The following SLC25A14 variants were observed in gnomAD, a reference collection of about 807,000 sequenced individuals.
SLC25A14 encodes brain mitochondrial carrier protein 1.
SLC25A14 carries 8 observed loss-of-function variants against 28.1 expected under a neutral mutation model. The ratio of observed to expected loss-of-function variants is 0.28; its 90% CI spans 0.17 to 0.51. The LOEUF (loss-of-function observed/expected upper bound fraction) is 0.51, where lower values mean the gene tolerates loss of function less well. Ranked by LOEUF, SLC25A14 falls within the 20% of genes least tolerant of loss-of-function variation. The pLI, the probability that SLC25A14 is intolerant of heterozygous loss-of-function variation, is 0.97. For synonymous variants in SLC25A14, 74 were observed against 90.6 expected (o/e 0.82, Z 1.04); for missense variants, 135 against 263.8 (o/e 0.51, Z 3.38).
rs189236732 is a variant in SLC25A14 at position 130,365,152 on chromosome X, C to G, written c.720-389C>G. The G allele has an allele frequency of 8.6e-6, 7 of 809,890 alleles. No individual in the cohort carries two copies. In the African/African-American group the frequency reaches 8.9e-5, roughly 10 times the overall value. The allele number at this position is 809,890 out of a possible 1,213,427, so 66.7% of individuals were successfully genotyped here. On this transcript the variant is annotated intron_variant, in intron 8 of 10. Coordinates refer to ENST00000545805, the MANE Select transcript of SLC25A14 (RefSeq NM_001282195.2). ...TAAAGCACAGTTTTTTGGCTAAAGA[C>G]TGTTACTGATCTCATTTTACATTTT...
rs150106204 is a variant in SLC25A14 at position 130,340,332 on chromosome X, G to A, written c.54G>A (p.Thr18=). The part of the protein sequence containing the change: ...ILIFLRVKFA[T]AAVIVSGHQK... ...TTTTTCTAAGGGTGAAGTTTGCAAC[G>A]GCGGCCGTGATTGTAAGCGGAGTAA... Residue 18 remains threonine, a synonymous_variant, in exon 2 of 11, where the codon ACG becomes ACA. Transcript: ENST00000545805. The A allele has an allele frequency of 2.0e-4, 238 of 1,209,646 alleles. No homozygotes were observed. Among genetic ancestry groups the A allele is most frequent in the Middle Eastern group, 1.1e-3 (5 of 4,351 alleles).
At chrX:130,344,257 A>G (rs181118657) in intron 2 of SLC25A14, among the ~76,000 whole-genome samples, 3 of 112,093 alleles carry the variant, frequency 2.7e-5, no homozygotes, top group Non-Finnish European at 5.6e-5. Context: ...GAGAGGCCCA[A>G]CAATCTATGT....
At chrX:130,370,075 A>G (rs1396871952) in intron 9 of SLC25A14, among the ~76,000 whole-genome samples, 3 of 111,746 alleles carry the variant, frequency 2.7e-5, no homozygotes, top group Non-Finnish European at 5.6e-5. Flanking sequence ...GGTTATTCAC[A>G]TCTGGGCTTT....
rs201856254 is a variant in SLC25A14, at chrX:130,365,103, AG to A, written c.719+355del. On this transcript the variant is annotated intron_variant, in intron 8 of 10. Coordinates refer to ENST00000545805, the MANE Select transcript of SLC25A14 (RefSeq NM_001282195.2). ...TTTTCTCAGTGGGAATCAGAAAAAA[AG>A]GGGTAAATAAGGTCTGTGAAACTAA... 3.7e-4 allele frequency: 297 copies of A among 801,405 alleles called. 3 individuals carry two copies. The East Asian group carries it at 0.025, about 68-fold the overall frequency. The allele number at this position is 801,405 out of a possible 1,213,427, so 66.0% of individuals were successfully genotyped here. A position where few individuals can be genotyped will look rare whatever the true frequency, so the allele number is the denominator to read the frequency against.
At chrX:130,370,052 A>G (rs1369774348) in intron 9 of SLC25A14, among the ~76,000 whole-genome samples, 5 of 112,012 alleles carry the variant, frequency 4.5e-5, no homozygotes, top group Non-Finnish European at 7.5e-5. Context: ...GTCATTTAAC[A>G]GTCTAGGTTC....
rs896297975 is a variant in SLC25A14, at chrX:130,373,235, C to G, written c.*285C>G. 9.7e-5 allele frequency: 28 copies of G among 289,193 alleles called. No homozygotes were observed. Among genetic ancestry groups the G allele is most frequent in the Non-Finnish European group, 1.5e-4 (25 of 169,534 alleles). The allele number at this position is 289,193 out of a possible 1,213,427, so 23.8% of individuals were successfully genotyped here. On this transcript the variant is annotated 3_prime_UTR_variant, in exon 11 of 11. Coordinates refer to ENST00000545805, the MANE Select transcript of SLC25A14 (RefSeq NM_001282195.2). ...GTGACATTGAAAACGGCCTGCTTTC[C>G]AAATGTGGTTAAATGTAATTGGTTA... is the stretch of plus-strand genomic sequence containing the variant.
rs1285852873 is a variant in SLC25A14, at chrX:130,358,686, G to A, written c.545G>A (p.Gly182Glu). ...AGCTTGTTCCAAGGGAGCATGATTG[G>A]AAGCTTTATCGATATATACCAACAA... ...QGSLFQGSMIGSFIDIYQQEG... is the reference protein window; with the variant it reads ...QGSLFQGSMIESFIDIYQQEG... The change falls in exon 7 of 11, where the codon GGA becomes GAA. Residue 182 changes from glycine to glutamate, a missense_variant. Coordinates refer to ENST00000545805, the MANE Select transcript of SLC25A14 (RefSeq NM_001282195.2). The A allele has an allele frequency of 3.3e-6, 4 of 1,207,908 alleles. No individual in the cohort carries two copies. Among genetic ancestry groups the A allele is most frequent in the Non-Finnish European group, 4.5e-6 (4 of 892,309 alleles).
intron 7 of SLC25A14, chrX:130,359,022 A>G: frequency 9.7e-7 from 1 of 1,027,445 alleles, no homozygotes; most frequent in Non-Finnish European, 1.3e-6. Context: ...GTTCTGTACT[A>G]ACACGATGAT....
intron 2 of SLC25A14, among the ~76,000 whole-genome samples, chrX:130,343,376 A>G (rs2033326261): frequency 8.9e-6 from 1 of 111,977 alleles, no homozygotes; most frequent in Admixed American, 9.5e-5. Flanking sequence ...GGTAGTATTT[A>G]GTCTTCAAGA....
At position 130,350,693 on chromosome X, in the gene SLC25A14, A is replaced by G; in HGVS notation, c.460A>G (p.Ile154Val). The change falls in exon 6 of 11, where the codon ATA (isoleucine) becomes GTA (valine). Residue 154 changes from isoleucine to valine, a missense_variant. Physicochemically the swap from Ile to Val is conservative, Grantham distance 29. Transcript: ENST00000545805. The stretch of plus-strand genomic sequence containing the variant: ...GATCTGTGGGGTAGTGTCAGGAGTG[A>G]TATCTTCCACTATAGCCAATCCCAC... ...NMICGVVSGV[I>V]SSTIANPTDV... 2 of 1,170,062 alleles carry G rather than the reference A, an allele frequency of 1.7e-6. No individual in the cohort carries two copies. Among genetic ancestry groups the G allele is most frequent in the Non-Finnish European group, 1.2e-6 (1 of 860,260 alleles).
At chrX:130,343,402 G>A (rs1196664276) in intron 2 of SLC25A14, among the ~76,000 whole-genome samples, 2 of 111,844 alleles carry the variant, frequency 1.8e-5, no homozygotes, top group Admixed American at 9.5e-5. Flanking sequence ...ATTTCCAGCT[G>A]CAGTTGATAC....
chrX:130,364,672 A>G lies in SLC25A14; in HGVS notation c.639A>G (p.Val213=). ...AGCGTGCTGCCATCGTTGTAGGAGT[A>G]GAGCTACCAGTCTATGATATTACTA... ...TAQRAAIVVG[V]ELPVYDITKK... The change falls in exon 8 of 11, where the codon GTA becomes GTG. Residue 213 remains valine, a synonymous_variant. Transcript: ENST00000545805. 8.3e-7 allele frequency: 1 copy of G among 1,209,473 alleles called. No individual in the cohort carries two copies. The highest frequency in any genetic ancestry group is 1.1e-6 in the Non-Finnish European group (1 of 893,644).
At chrX:130,342,780 TAC>T (rs1194388579) in intron 2 of SLC25A14, among the ~76,000 whole-genome samples, 1 of 109,086 alleles carries the variant, frequency 9.2e-6, no homozygotes, top group Non-Finnish European at 1.9e-5. Flanking sequence ...GTGGGAAGGG[TAC>T]ACAAATACAG....
At position 130,339,945 on chromosome X, in the gene SLC25A14, C is replaced by T. The variant is rs1292678273; in HGVS notation, c.-204C>T. Reference sequence around the variant, plus strand: ...GTGGCGTTTCCGACTGTGGGAGCCTCAGCTTCCCAGTCGTCCGATGAGCCC... The same window carrying T: ...GTGGCGTTTCCGACTGTGGGAGCCTTAGCTTCCCAGTCGTCCGATGAGCCC... On this transcript the variant is annotated 5_prime_UTR_variant, in exon 1 of 11. Transcript: ENST00000545805. 1 of 844,205 alleles carries T rather than the reference C, an allele frequency of 1.2e-6. No homozygotes were observed. Among genetic ancestry groups the T allele is most frequent in the Non-Finnish European group, 1.4e-6 (1 of 698,009 alleles). 69.6% of individuals were successfully genotyped at this position (844,205 alleles called of 1,213,427 possible).
chrX:130,347,265 T>C (rs2033471049), intron 4 of SLC25A14, among the ~76,000 whole-genome samples: 1 of 111,421 alleles, frequency 9.0e-6, no homozygotes, highest in African/African-American at 3.3e-5. Context: ...CTATGTTACA[T>C]CGTTAAACTA....
chrX:130,373,110 CTA>C lies in SLC25A14; in HGVS notation c.*162_*163del. The C allele has an allele frequency of 7.0e-6, 3 of 427,970 alleles. No individual in the cohort carries two copies. The highest frequency in any genetic ancestry group is 1.2e-5 in the Non-Finnish European group (3 of 246,251). The allele number at this position is 427,970 out of a possible 1,213,427, so 35.3% of individuals were successfully genotyped here. Reference sequence around the variant, plus strand: ...ACAGTGGGGTGGTTCAAAGTTATTTCTATGTTTGTGTTACCATGTTAACTTTT... The same window carrying C: ...ACAGTGGGGTGGTTCAAAGTTATTTCTGTTTGTGTTACCATGTTAACTTTT... On this transcript the variant is annotated 3_prime_UTR_variant, in exon 11 of 11. Transcript: ENST00000545805.
intron 7 of SLC25A14, among the ~76,000 whole-genome samples, chrX:130,360,313 G>C (rs1234314762): frequency 9.1e-6 from 1 of 110,392 alleles, no homozygotes; most frequent in African/African-American, 3.3e-5. Flanking sequence ...GGCTTGATTA[G>C]ATTCATGTTA....
rs996504705 is a variant in SLC25A14, at chrX:130,342,486, C to T, written c.75+2133C>T. On this transcript the variant is annotated intron_variant, in intron 2 of 10. Transcript: ENST00000545805. The stretch of plus-strand genomic sequence containing the variant: ...TAGCTGTCTTTAAATATTTGAAGGG[C>T]TTGCCTAGGGAAAAAAGAATGCATT... 3.6e-5 allele frequency among the ~76,000 whole-genome samples: 4 copies of T among 111,743 alleles called. No homozygotes were observed. The South Asian group carries it at 1.1e-3, about 31-fold the overall frequency.
At chrX:130,340,459 T>A (rs1166713837) in intron 2 of SLC25A14, 106 bp downstream of exon 2, 34 of 892,414 alleles carry the variant, frequency 3.8e-5, no homozygotes, top group Non-Finnish European at 5.3e-5. Flanking sequence ...TGAAGGCATC[T>A]ATTAAAATGC....
Sources: allele counts gnomAD v4.1 joint callset (sites outside exome capture counted in the v4.1 genomes callset), GRCh38; gene constraint gnomAD v4.1.1; transcripts MANE v1.5; gene names NCBI Gene and HGNC (gene_info 2026-07-23, HGNC 2026-07-21).